Variants in CCDC40 observed in about 807,000 individuals in gnomAD.
The protein encoded by CCDC40 is coiled-coil domain-containing protein 40.
A neutral mutation model predicts 124.5 loss-of-function variants in CCDC40; 104 were observed. The ratio of observed to expected loss-of-function variants is 0.84; its 90% CI spans 0.71 to 0.98. The LOEUF is 0.98. Among genes scored for constraint, CCDC40 ranks in the 50% least tolerant of loss-of-function variants. CCDC40 has a pLI of 0.00. For missense variants in CCDC40, 1,463 were observed against 1,503.9 expected, an observed-to-expected ratio of 0.97 and a Z score of 0.45; for synonymous variants, 580 against 602.9, an observed-to-expected ratio of 0.96 and a Z score of 0.56.
chr17:80,084,580 G>A (rs1370744314), intron 12 of CCDC40, among the ~76,000 whole-genome samples, 163 bp from the exon 13 acceptor site: 1 of 152,148 alleles, frequency 6.6e-6, no homozygotes, highest in African/African-American at 2.4e-5. Context: ...GTCCCTTGCT[G>A]GGTCCTGGAG....
chr17:80,058,579 C>T lies in CCDC40; in HGVS notation c.1245C>T (p.Ile415=). The stretch of plus-strand genomic sequence containing the variant: ...TCGACCAGGACATGCGTGACGACAT[C>T]CGCGTGATGACACAAGTGGTAAAGA... ...QNIDQDMRDD[I]RVMTQVVKKA... is the part of the protein sequence containing the mutation. The change falls in exon 8 of 20, where the codon ATC becomes ATT. Residue 415 remains isoleucine (I), a synonymous_variant. Transcript: ENST00000397545. The surrounding 1 kb of genome is among the most constrained non-coding windows in gnomAD (Gnocchi z 4.2). The T allele has an allele frequency of 6.2e-7, 1 of 1,614,170 alleles. No homozygotes were observed. The highest frequency in any genetic ancestry group is 8.5e-7 in the Non-Finnish European group (1 of 1,179,982).
chr17:80,045,900 G>A (rs1355044715), intron 3 of CCDC40, among the ~76,000 whole-genome samples: 2 of 150,630 alleles, frequency 1.3e-5, no homozygotes, highest in East Asian at 3.9e-4. Context: ...TCGAAACTTG[G>A]ACTGATGCCA....
intron 1 of CCDC40, 165 bp downstream of exon 1, chr17:80,036,856 C>A: frequency 1.7e-6 from 1 of 588,882 alleles, no homozygotes; most frequent in Non-Finnish European, 2.7e-6. Flanking sequence ...CTTTCCCGTC[C>A]ACTGCGTTCA....
chr17:80,097,380 CG>C lies in CCDC40; in HGVS notation c.3159del (p.Ala1056ProfsTer23). 6.2e-7 allele frequency: 1 copy of C among 1,613,954 alleles called. No homozygotes were observed. Among genetic ancestry groups the C allele is most frequent in the Non-Finnish European group, 8.5e-7 (1 of 1,180,018 alleles). On this transcript the variant is annotated frameshift_variant, in exon 19 of 20. Transcript: ENST00000397545. LOFTEE classifies it low-confidence loss of function (END_TRUNC). ...CGACACACTCGAGGCCGACCTCACC[CG>C]GCTTGGGGCCCTCAAACGACAGGTA... ...DFDTLEADLT[R>X]LGALKRQNLS...
At chr17:80,049,813 C>T in intron 5 of CCDC40, 93 bp from the exon 6 acceptor site, 1 of 1,033,402 alleles carries the variant, frequency 9.7e-7, no homozygotes, top group Non-Finnish European at 1.5e-6. Flanking sequence ...CTCTGGCCCA[C>T]CGGAGGGAGA....
chr17:80,068,898 T>C (rs2038117619), intron 10 of CCDC40, among the ~76,000 whole-genome samples: 1 of 152,240 alleles, frequency 6.6e-6, no homozygotes, highest in African/African-American at 2.4e-5. Flanking sequence ...CAGGAGCGGA[T>C]GACACAGACC....
At chr17:80,079,327 G>A (rs1187186270) in intron 10 of CCDC40, among the ~76,000 whole-genome samples, 1 of 152,014 alleles carries the variant, frequency 6.6e-6, no homozygotes, top group Non-Finnish European at 1.5e-5. Flanking sequence ...TTTCCAGATA[G>A]ATTTCGTTCA....
At chr17:80,081,489 T>C in intron 10 of CCDC40, 57 bp from the exon 11 acceptor site, 1 of 1,611,734 alleles carries the variant, frequency 6.2e-7, no homozygotes, top group Non-Finnish European at 8.5e-7. Context: ...CGCAGCTCTG[T>C]GCACTGGCTC....
chr17:80,096,550 A>G (rs2038813225), intron 18 of CCDC40, among the ~76,000 whole-genome samples: 1 of 150,854 alleles, frequency 6.6e-6, no homozygotes, highest in African/African-American at 2.4e-5. Flanking sequence ...GCACCCCCTG[A>G]GTCCCCTGCC....
rs1341028443 is a variant in CCDC40, at chr17:80,100,497, C to CA, written c.*724dup. On this transcript the variant is annotated 3_prime_UTR_variant, in exon 20 of 20. Transcript: ENST00000397545. ...CCAGCGCTCTTTCTCCCTGGACTTC[C>CA]AAGTACCAATGACCTTGGGGCTTCT... 7.2e-5 allele frequency: 11 copies of CA among 152,454 alleles called. No individual in the cohort carries two copies. Among genetic ancestry groups the CA allele is most frequent in the Non-Finnish European group, 1.5e-4 (10 of 68,172 alleles). 9.4% of individuals were successfully genotyped at this position (152,454 alleles called of 1,614,324 possible). A position where few individuals can be genotyped will look rare whatever the true frequency, so the allele number is the denominator to read the frequency against.
intron 12 of CCDC40, among the ~76,000 whole-genome samples, chr17:80,084,000 A>G (rs2038520118): frequency 2.0e-5 from 3 of 152,230 alleles, no homozygotes; most frequent in Admixed American, 1.3e-4. Context: ...AGAATTATAT[A>G]GAAAAGACTG....
intron 7 of CCDC40, among the ~76,000 whole-genome samples, chr17:80,051,615 C>T (rs865822098): frequency 6.3e-4 from 72 of 114,746 alleles, no homozygotes; most frequent in Middle Eastern, 6.8e-3. Context: ...GGCGACAGAG[C>T]GAGACTCCGT....
intron 10 of CCDC40, among the ~76,000 whole-genome samples, chr17:80,069,782 GAGAGAGAGAGAC>G (rs1236417950): frequency 6.6e-6 from 1 of 151,068 alleles, no homozygotes; most frequent in Non-Finnish European, 1.5e-5. Flanking sequence ...AAAAAAAAGA[GAGAGAGAGAGAC>G]AGAGAGAGAG....
intron 10 of CCDC40, 123 bp from the exon 11 acceptor site, chr17:80,081,423 T>G: frequency 8.1e-6 from 7 of 868,208 alleles, no homozygotes; most frequent in Non-Finnish European, 1.3e-5. Flanking sequence ...AGAGTTGGCT[T>G]CCTAATTTAT....
chr17:80,051,100 G>A (rs371082066), intron 7 of CCDC40, among the ~76,000 whole-genome samples: 114 of 152,240 alleles, frequency 7.5e-4, no homozygotes, highest in African/African-American at 2.3e-3. Context: ...AGGTGACCGG[G>A]GACAGTGGCT....
intron 17 of CCDC40, among the ~76,000 whole-genome samples, chr17:80,094,328 C>T (rs2038768877): frequency 1.3e-5 from 2 of 151,544 alleles, no homozygotes; most frequent in Non-Finnish European, 1.5e-5. Flanking sequence ...AGGAGAATTG[C>T]TTGAATCTGG....
chr17:80,056,018 T>TATATA (rs2037740131), intron 7 of CCDC40, among the ~76,000 whole-genome samples: 1 of 44,306 alleles, frequency 2.3e-5, no homozygotes, highest in Admixed American at 2.6e-4. Context: ...ATATATATAT[T>TATATA]TTTTTTTTTT....
chr17:80,037,688 A>AAAAAAAAAAAAAATATATAT, intron 1 of CCDC40, among the ~76,000 whole-genome samples: 2 of 45,678 alleles, frequency 4.4e-5, no homozygotes, highest in African/African-American at 1.2e-4. Flanking sequence ...TTTTTTAAAA[A>AAAAAAAAAAAAAATATATAT]AGATATACAT....
intron 16 of CCDC40, chr17:80,089,551 C>T (rs752045778): frequency 9.0e-5 from 34 of 379,424 alleles, no homozygotes; most frequent in Non-Finnish European, 1.5e-4. Context: ...ACCCCCATCT[C>T]CCTCCCTCCC....
Sources: allele counts gnomAD v4.1 joint callset (sites outside exome capture counted in the v4.1 genomes callset), GRCh38; gene constraint gnomAD v4.1.1; non-coding constraint Gnocchi (gnomAD v3.1); transcripts MANE v1.5; gene names NCBI Gene and HGNC (gene_info 2026-07-23, HGNC 2026-07-21).